Variants in OLAH observed in about 807,000 individuals in gnomAD.
OLAH encodes oleoyl-ACP hydrolase, also known as S-acyl fatty acid synthase thioesterase, medium chain.
OLAH carries 33 observed loss-of-function variants against 27.8 expected under a neutral mutation model. That is an observed-to-expected ratio of 1.19 (90% CI 0.90 to 1.59). The LOEUF (loss-of-function observed/expected upper bound fraction) is 1.59, where lower values mean the gene tolerates loss of function less well. Ranked by LOEUF, OLAH falls within the 40% of genes most tolerant of loss-of-function variation. OLAH has a pLI of 0.00. For synonymous variants in OLAH, 120 were observed against 102.9 expected, an observed-to-expected ratio of 1.17 and a Z score of -1.01; for missense variants, 359 against 310.8, an observed-to-expected ratio of 1.16 and a Z score of -1.17.
chr10:15,058,973 C>T (rs1440000246), intron 3 of OLAH, among the ~76,000 whole-genome samples: 4 of 114,412 alleles, frequency 3.5e-5, no homozygotes, highest in African/African-American at 5.9e-5. Flanking sequence ...CCCTCCCTCC[C>T]TCTCTCCTTC....
chr10:15,059,293 CCT>C (rs1318082201), intron 3 of OLAH, among the ~76,000 whole-genome samples: 1 of 148,836 alleles, frequency 6.7e-6, no homozygotes, highest in Non-Finnish European at 1.5e-5. Flanking sequence ...CTCAAGCAAT[CCT>C]CCTGCCTCAG....
Position 15,062,741 on chromosome 10 carries a change from C to CT in OLAH, c.302+894dup, listed in dbSNP as rs773373248. 7.4e-3 allele frequency among the ~76,000 whole-genome samples: 1,033 copies of CT among 140,110 alleles called. 5 individuals are homozygous for CT. The highest frequency in any genetic ancestry group is 0.018 in the African/African-American group (682 of 37,964). The allele number at this position is 140,110 out of a possible 152,430, so 91.9% of individuals were successfully genotyped here. A position where few individuals can be genotyped will look rare whatever the true frequency, so the allele number is the denominator to read the frequency against. On this transcript the variant is annotated intron_variant, in intron 4 of 7. Transcript: ENST00000378228. ...TATAAACAATAGTCCAGTGAACATT[C>CT]TTTTTTTTTTTTTTTGAGACAGAGT...
At chr10:15,050,646 T>C (rs551186296) in intron 3 of OLAH, among the ~76,000 whole-genome samples, 1 of 149,262 alleles carries the variant, frequency 6.7e-6, no homozygotes, top group Non-Finnish European at 1.5e-5. Flanking sequence ...GTTCACACCA[T>C]TCTCCTGCCT....
At chr10:15,058,090 G>T (rs1345898412) in intron 3 of OLAH, among the ~76,000 whole-genome samples, 2 of 152,118 alleles carry the variant, frequency 1.3e-5, no homozygotes, top group Admixed American at 6.6e-5. Context: ...GATCCATTTT[G>T]GGAAAATTGA....
intron 6 of OLAH, among the ~76,000 whole-genome samples, chr10:15,069,559 G>C (rs1844539573): frequency 6.6e-6 from 1 of 152,084 alleles, no homozygotes; most frequent in Admixed American, 6.6e-5. Context: ...AACCCCTAGT[G>C]GAGGCCCATG....
intron 1 of OLAH, among the ~76,000 whole-genome samples, chr10:15,033,648 G>T (rs555833359): frequency 1.3e-5 from 2 of 152,306 alleles, no homozygotes; most frequent in Non-Finnish European, 2.9e-5. Flanking sequence ...GGGAAGTCCA[G>T]TATGAAGGCA....
At position 15,071,845 on chromosome 10, in the gene OLAH, T is replaced by A; in HGVS notation, c.623T>A (p.Val208Asp). 1 of 1,613,686 alleles carries A rather than the reference T, an allele frequency of 6.2e-7. No homozygotes were observed. The highest frequency in any genetic ancestry group is 8.5e-7 in the Non-Finnish European group (1 of 1,179,516). ...CTTTCCTGTGACTTGACATGTTTTG[T>A]TGGATCTGAAGACATAGCAAAGGAC... is the stretch of plus-strand genomic sequence containing the variant. ...AVLSCDLTCF[V>D]GSEDIAKDME... The change falls in exon 7 of 8, where the codon GTT becomes GAT. Residue 208 changes from valine (V) to aspartate (D), a missense_variant. Transcript: ENST00000378228.
At chr10:15,066,240 C>CA (rs201236007) in intron 6 of OLAH, among the ~76,000 whole-genome samples, 1,441 of 92,636 alleles carry the variant, frequency 0.016, 19 homozygotes, top group South Asian at 0.031. Flanking sequence ...GACTCCATCT[C>CA]AAAAAAAAAA....
At position 15,060,024 on chromosome 10, in the gene OLAH, A is replaced by AT. The variant is rs1433460682; in HGVS notation, c.164-1692dup. Among the ~76,000 whole-genome samples the AT allele has an allele frequency of 4.0e-5, 6 of 149,904 alleles. No individual in the cohort carries two copies. In the South Asian group the frequency reaches 1.3e-3, roughly 32 times the overall value. ...TCAAATTTTGACATATTCAGCCACTATTTTTTTTCAAATGTTTTTCTGTTT... is the reference window on the plus strand; with the variant it reads ...TCAAATTTTGACATATTCAGCCACTATTTTTTTTTCAAATGTTTTTCTGTTT... On this transcript the variant is annotated intron_variant, in intron 3 of 7. Coordinates refer to ENST00000378228, the MANE Select transcript of OLAH (RefSeq NM_001039702.3).
At chr10:15,036,071 C>T (rs747163250) in intron 1 of OLAH, among the ~76,000 whole-genome samples, 2 of 152,214 alleles carry the variant, frequency 1.3e-5, no homozygotes, top group African/African-American at 4.8e-5. Context: ...AAACTGCACA[C>T]GACCTGCTAA....
intron 7 of OLAH, 143 bp downstream of exon 7, chr10:15,072,020 G>A (rs1341696881): frequency 2.4e-5 from 14 of 575,196 alleles, no homozygotes; most frequent in African/African-American, 9.5e-5. Context: ...TGCAACCTCC[G>A]CCTCCCAGGT....
At chr10:15,033,272 A>C (rs529071456) in intron 1 of OLAH, among the ~76,000 whole-genome samples, 1 of 152,320 alleles carries the variant, frequency 6.6e-6, no homozygotes, top group South Asian at 2.1e-4. Flanking sequence ...CCTAATTTTT[A>C]AGGCACATAT....
intron 7 of OLAH, among the ~76,000 whole-genome samples, chr10:15,072,432 T>C (rs972808438): frequency 1.3e-5 from 2 of 151,800 alleles, no homozygotes; most frequent in African/African-American, 2.4e-5. Flanking sequence ...CTCAAAGAAA[T>C]AAAAAATGCA....
intron 7 of OLAH, among the ~76,000 whole-genome samples, chr10:15,072,845 G>T (rs1477661837): frequency 5.9e-5 from 9 of 152,012 alleles, no homozygotes; most frequent in Non-Finnish European, 1.5e-5. Flanking sequence ...TATGGTTTAT[G>T]GTTATGGTGA....
At chr10:15,033,844 C>T (rs1843796112) in intron 1 of OLAH, among the ~76,000 whole-genome samples, 1 of 152,130 alleles carries the variant, frequency 6.6e-6, no homozygotes, top group Non-Finnish European at 1.5e-5. Flanking sequence ...GAGCCCTCAC[C>T]ATCTAATAGT....
Position 15,054,039 on chromosome 10 carries a change from A to ATTT in OLAH, c.163+4289_163+4291dup, listed in dbSNP as rs34022567. Among the ~76,000 whole-genome samples, 1,021 of 129,118 alleles carry ATTT rather than the reference A, an allele frequency of 7.9e-3. 15 individuals are homozygous for ATTT. The highest frequency in any genetic ancestry group is 0.025 in the East Asian group (109 of 4,318). The allele number at this position is 129,118 out of a possible 152,430, so 84.7% of individuals were successfully genotyped here. On this transcript the variant is annotated intron_variant, in intron 3 of 7. Transcript: ENST00000378228. ...GCCACAGTGCTCAATCCTCTTAAGC[A>ATTT]TTTTTTTTTTTTTTTTTGAGATGGA...
At chr10:15,068,256 G>C (rs1349195060) in intron 6 of OLAH, among the ~76,000 whole-genome samples, 3 of 152,088 alleles carry the variant, frequency 2.0e-5, no homozygotes, top group East Asian at 3.8e-4. Context: ...TAAATCTGTT[G>C]ATAAATTAAT....
At chr10:15,049,603 T>C (rs200862488) in intron 2 of OLAH, 32 bp from the exon 3 acceptor site, 5 of 1,432,484 alleles carry the variant, frequency 3.5e-6, no homozygotes, top group Non-Finnish European at 4.8e-6. Context: ...TTGATATACA[T>C]AATGTTAAAT....
upstream of OLAH, among the ~76,000 whole-genome samples, chr10:15,041,357 C>T (rs1262023483): frequency 6.6e-6 from 1 of 151,682 alleles, no homozygotes; most frequent in Non-Finnish European, 1.5e-5. Context: ...TGGCTCACTG[C>T]AACCTCTGCC....
Sources: allele counts gnomAD v4.1 joint callset (sites outside exome capture counted in the v4.1 genomes callset), GRCh38; gene constraint gnomAD v4.1.1; transcripts MANE v1.5; gene names NCBI Gene and HGNC (gene_info 2026-07-23, HGNC 2026-07-21).